SLC9A3: variants seen among roughly 807,000 people sequenced by gnomAD.
SLC9A3 encodes the protein solute carrier family 9 member A3, also known as sodium/hydrogen exchanger 3.
A neutral mutation model predicts 86.8 loss-of-function variants in SLC9A3; 37 were observed. The observed-to-expected ratio is 0.43, with a 90% CI of 0.33 to 0.56. SLC9A3 has a LOEUF of 0.56. Ranked by LOEUF, SLC9A3 falls within the 20% of genes least tolerant of loss-of-function variation. The pLI is 0.06. For synonymous variants in SLC9A3, 581 were observed against 528.3 expected (o/e 1.10, Z -1.37); for missense variants, 1,011 against 1,171.9 (o/e 0.86, Z 2.00).
Position 471,845 on chromosome 5 carries a change from C to T in SLC9A3, c.*1534G>A, listed in dbSNP as rs1738374036. The stretch of plus-strand genomic sequence containing the variant: ...TTCCCTTTTTCACAACAGTAAAAAG[C>T]TATCAATGGGAAATTGTGGACTTTT... On this transcript the variant is annotated 3_prime_UTR_variant, in exon 17 of 17. Coordinates refer to ENST00000264938, the MANE Select transcript of SLC9A3 (RefSeq NM_004174.4). 1 of 456,496 alleles carries T rather than the reference C, an allele frequency of 2.2e-6. No homozygotes were observed. The highest frequency in any genetic ancestry group is 4.4e-6 in the Non-Finnish European group (1 of 226,958). The allele number at this position is 456,496 out of a possible 1,614,324, so 28.3% of individuals were successfully genotyped here. A position where few individuals can be genotyped will look rare whatever the true frequency, so the allele number is the denominator to read the frequency against.
rs1579776820 is a variant in SLC9A3 at position 481,695 on chromosome 5, C to T, written c.1447-60G>A. On this transcript the variant is annotated intron_variant, in intron 8 of 16. Transcript: ENST00000264938. ...CGGCCAACCGGGGAACATGAGGTGCCCCTCCACTCCTGGCCCAGCCCCGAG... is the reference window on the plus strand; with the variant it reads ...CGGCCAACCGGGGAACATGAGGTGCTCCTCCACTCCTGGCCCAGCCCCGAG... The T allele has an allele frequency of 5.7e-6, 8 of 1,396,632 alleles. No homozygotes were observed. The South Asian group carries it at 9.2e-5, about 16-fold the overall frequency. 86.5% of individuals were successfully genotyped at this position (1,396,632 alleles called of 1,614,324 possible).
intron 11 of SLC9A3, 150 bp from the exon 12 acceptor site, chr5:476,822 A>G: frequency 2.1e-6 from 2 of 948,174 alleles, no homozygotes; most frequent in Non-Finnish European, 3.2e-6. Flanking sequence ...GGGCACGGGG[A>G]CATCTGCCAT....
intron 1 of SLC9A3, among the ~76,000 whole-genome samples, chr5:498,682 G>A (rs924206340): frequency 3.3e-5 from 5 of 152,110 alleles, no homozygotes; most frequent in African/African-American, 9.7e-5. Flanking sequence ...GATCACAGGC[G>A]TGAGCCACCG....
rs1560964055 is a variant in SLC9A3 at position 496,098 on chromosome 5, A to G, written c.212-4027T>C. ...TAAAATCCACAGAAAACATCCTCTG[A>G]CCTTGGTAGTTACTGAGAAAATATA... On this transcript the variant is annotated intron_variant, in intron 1 of 16. Coordinates refer to ENST00000264938, the MANE Select transcript of SLC9A3 (RefSeq NM_004174.4). The surrounding 1 kb of genome is among the most constrained non-coding windows in gnomAD (Gnocchi z 4.7). Among the ~76,000 whole-genome samples the G allele has an allele frequency of 6.6e-6, 1 of 152,258 alleles. No homozygotes were observed. The highest frequency in any genetic ancestry group is 1.5e-5 in the Non-Finnish European group (1 of 68,048).
chr5:492,967 G>A (rs1245161843), intron 1 of SLC9A3, among the ~76,000 whole-genome samples: 3 of 152,214 alleles, frequency 2.0e-5, no homozygotes, highest in African/African-American at 4.8e-5. Flanking sequence ...AGGGTGGACA[G>A]CAGGTCCTGG....
At chr5:508,410 G>C (rs1256810369) in intron 1 of SLC9A3, among the ~76,000 whole-genome samples, 1 of 131,274 alleles carries the variant, frequency 7.6e-6, no homozygotes, top group South Asian at 2.7e-4. Context: ...CAGCGCGCCC[G>C]GGGATGGAGA....
chr5:506,872 C>T (rs1225887718), intron 1 of SLC9A3, among the ~76,000 whole-genome samples: 3 of 142,884 alleles, frequency 2.1e-5, no homozygotes, highest in Non-Finnish European at 1.5e-5. Context: ...TCGAGACCAG[C>T]CTGGCCAATA....
At chr5:516,043 C>G (rs887217390) in intron 1 of SLC9A3, among the ~76,000 whole-genome samples, 1 of 109,678 alleles carries the variant, frequency 9.1e-6, no homozygotes, top group Non-Finnish European at 1.9e-5. Context: ...CACACACACT[C>G]CCCCTGCCCC....
intron 1 of SLC9A3, among the ~76,000 whole-genome samples, chr5:503,793 T>C (rs1740414651): frequency 6.6e-6 from 1 of 152,266 alleles, no homozygotes; most frequent in Admixed American, 6.5e-5. Flanking sequence ...AGAACTTTCT[T>C]CTTGTTCCAT....
chr5:483,529 C>T lies in SLC9A3; in HGVS notation c.933-47G>A, dbSNP rs758140170. 2.1e-5 allele frequency: 28 copies of T among 1,362,648 alleles called. No homozygotes were observed. In the Admixed American group the frequency reaches 5.4e-4, roughly 26 times the overall value. The allele number at this position is 1,362,648 out of a possible 1,614,324, so 84.4% of individuals were successfully genotyped here. A position where few individuals can be genotyped will look rare whatever the true frequency, so the allele number is the denominator to read the frequency against. On this transcript the variant is annotated intron_variant, in intron 5 of 16. Coordinates refer to ENST00000264938, the MANE Select transcript of SLC9A3 (RefSeq NM_004174.4). Reference sequence around the variant, plus strand: ...AGGACACGGCCACCTGGCCTGGCGCCCGAGGCCCCCGTGTCCGCCCAGCCC... The same window carrying T: ...AGGACACGGCCACCTGGCCTGGCGCTCGAGGCCCCCGTGTCCGCCCAGCCC...
Position 475,101 on chromosome 5 carries a change from C to G in SLC9A3, c.2283G>C (p.Glu761Asp), listed in dbSNP as rs1207182608. The change falls in exon 16 of 17, where the codon GAG becomes GAC. Residue 761 changes from glutamate to aspartate, a missense_variant. Physicochemically the swap from Glu to Asp is conservative, Grantham distance 45. Transcript: ENST00000264938. ...GIDNPVFSPDEALDRSLLARL... is the reference protein window; with the variant it reads ...GIDNPVFSPDDALDRSLLARL... ...TGGCCAGGAGGCTGCGGTCCAGGGC[C>G]TCGTCCGGAGAAAACACAGGGTTGT... is the stretch of plus-strand genomic sequence containing the variant. The G allele has an allele frequency of 2.5e-6, 4 of 1,605,958 alleles. No individual in the cohort carries two copies. The East Asian group carries it at 6.7e-5, about 27-fold the overall frequency.
chr5:492,040 C>A lies in SLC9A3; in HGVS notation c.243G>T (p.Val81=). ...CGATGAGCAGGGCGCTCTCGGGAACCACGCTGGTGACCTTGTGGGACAGGT... is the reference window on the plus strand; with the variant it reads ...CGATGAGCAGGGCGCTCTCGGGAACAACGCTGGTGACCTTGTGGGACAGGT... ...GFHLSHKVTS[V]VPESALLIVL... is the part of the protein sequence containing the mutation. Residue 81 remains valine (V), a synonymous_variant, in exon 2 of 17, where the codon GTG becomes GTT. Coordinates refer to ENST00000264938, the MANE Select transcript of SLC9A3 (RefSeq NM_004174.4). 1 of 1,552,708 alleles carries A rather than the reference C, an allele frequency of 6.4e-7. No individual in the cohort carries two copies. The highest frequency in any genetic ancestry group is 8.7e-7 in the Non-Finnish European group (1 of 1,146,810).
At chr5:484,096 G>A (rs904870776) in intron 5 of SLC9A3, among the ~76,000 whole-genome samples, 6 of 151,366 alleles carry the variant, frequency 4.0e-5, no homozygotes, top group African/African-American at 7.3e-5. Flanking sequence ...TCACCCCGCC[G>A]GACCCAGGAG....
intron 3 of SLC9A3, among the ~76,000 whole-genome samples, chr5:485,791 C>G (rs1739434153): frequency 6.6e-6 from 1 of 152,234 alleles, no homozygotes; most frequent in Non-Finnish European, 1.5e-5. Context: ...GTCTCTGGCT[C>G]TGGCCAAGGT....
chr5:513,779 T>G (rs948270993), intron 1 of SLC9A3, among the ~76,000 whole-genome samples: 2 of 152,190 alleles, frequency 1.3e-5, no homozygotes, highest in African/African-American at 4.8e-5. Flanking sequence ...GAGGAAGTAG[T>G]TCCTGACAGC....
intron 1 of SLC9A3, among the ~76,000 whole-genome samples, chr5:521,156 A>G (rs765143501): frequency 6.6e-6 from 1 of 152,212 alleles, no homozygotes; most frequent in Non-Finnish European, 1.5e-5. Context: ...CCCCTTCTGC[A>G]TTTTAAAAAG....
intron 1 of SLC9A3, among the ~76,000 whole-genome samples, chr5:519,313 A>G (rs1217590507): frequency 1.3e-5 from 2 of 152,084 alleles, no homozygotes; most frequent in Non-Finnish European, 2.9e-5. Context: ...CTCCTTTCCT[A>G]TGCTTCTTCA....
At position 506,448 on chromosome 5, in the gene SLC9A3, G is replaced by A. The variant is rs555621613; in HGVS notation, c.212-14377C>T. ...ATTTGCCCCAAATGCAGGAGGGCCC[G>A]GGGTCCTCCCGAGGGGCCCCATGCT... is the stretch of plus-strand genomic sequence containing the variant. On this transcript the variant is annotated intron_variant, in intron 1 of 16. Coordinates refer to ENST00000264938, the MANE Select transcript of SLC9A3 (RefSeq NM_004174.4). Among the ~76,000 whole-genome samples the A allele has an allele frequency of 5.9e-5, 9 of 152,270 alleles. No individual in the cohort carries two copies. The South Asian group carries it at 1.2e-3, about 21-fold the overall frequency.
intron 1 of SLC9A3, among the ~76,000 whole-genome samples, chr5:501,413 C>T (rs954803241): frequency 2.6e-5 from 4 of 152,226 alleles, no homozygotes; most frequent in African/African-American, 9.6e-5. Flanking sequence ...TTAAACTCTG[C>T]CTCCCAGAAA....
Sources: allele counts gnomAD v4.1 joint callset (sites outside exome capture counted in the v4.1 genomes callset), GRCh38; gene constraint gnomAD v4.1.1; non-coding constraint Gnocchi (gnomAD v3.1); transcripts MANE v1.5; gene names NCBI Gene and HGNC (gene_info 2026-07-23, HGNC 2026-07-21).